The following STMN4 variants were observed in gnomAD, a reference collection of about 807,000 sequenced individuals.
STMN4 encodes the protein stathmin 4.
Under a neutral mutation model 29.1 loss-of-function variants are expected in STMN4, and 12 were observed. The observed-to-expected ratio is 0.41, with a 90% confidence interval of 0.26 to 0.67. The LOEUF is 0.67. STMN4 is among the 30% of genes least tolerant of loss of function. The pLI, the probability that STMN4 is intolerant of heterozygous loss-of-function variation, is 0.30. For synonymous variants in STMN4, 114 were observed against 105.3 expected, an observed-to-expected ratio of 1.08 and a Z score of -0.51; for missense variants, 181 against 262.8, an observed-to-expected ratio of 0.69 and a Z score of 2.15.
intron 1 of STMN4, among the ~76,000 whole-genome samples, 157 bp from the exon 2 acceptor site, chr8:27,243,958 C>A (rs1801552010): frequency 6.6e-6 from 1 of 152,166 alleles, no homozygotes; most frequent in African/African-American, 2.4e-5. Context: ...GGTCCCCTAC[C>A]CCGACCTCCC....
chr8:27,258,055 AAAACATTTTTATGCAGAAATAGCTCACC>A (rs1478652197), intron 1 of STMN4, among the ~76,000 whole-genome samples: 1 of 152,188 alleles, frequency 6.6e-6, no homozygotes, highest in African/African-American at 2.4e-5. Context: ...CTTAAGCAAC[AAAACATTTTTATGCAGAAATAGCTCACC>A]ATAGCATCTG....
chr8:27,254,583 T>C (rs888497524), intron 1 of STMN4, among the ~76,000 whole-genome samples: 4 of 151,858 alleles, frequency 2.6e-5, no homozygotes, highest in Non-Finnish European at 5.9e-5. Flanking sequence ...TGGGGAGGGA[T>C]AGGTATGCCT....
intron 6 of STMN4, chr8:27,239,098 TGGC>T: frequency 8.7e-7 from 1 of 1,146,218 alleles, no homozygotes; most frequent in South Asian, 1.7e-5. Flanking sequence ...TGCCTCGTGC[TGGC>T]CAGCTCCAGG....
At chr8:27,239,707 T>C in intron 6 of STMN4, 2 of 1,446,622 alleles carry the variant, frequency 1.4e-6, no homozygotes, top group Non-Finnish European at 1.8e-6. Flanking sequence ...ATCAGACATA[T>C]ATGCTCCCTA....
At chr8:27,254,776 A>C (rs991934112) in intron 1 of STMN4, among the ~76,000 whole-genome samples, 1 of 122,618 alleles carries the variant, frequency 8.2e-6, no homozygotes, top group Non-Finnish European at 1.6e-5. Context: ...GGGAGCACTC[A>C]CATCTGTGTG....
Position 27,240,964 on chromosome 8 carries a change from G to C in STMN4, c.399+90C>G, listed in dbSNP as rs1801451903. On this transcript the variant is annotated intron_variant, in intron 5 of 6. Transcript: ENST00000350889. ...CCTAAATATTGCAGATTGGTGATGAGCTTATCCCAGCTCAGGTCCACCACC... is the reference window on the plus strand; with the variant it reads ...CCTAAATATTGCAGATTGGTGATGACCTTATCCCAGCTCAGGTCCACCACC... 9 of 1,321,878 alleles carry C rather than the reference G, an allele frequency of 6.8e-6. No homozygotes were observed. In the South Asian group the frequency reaches 1.2e-4, roughly 17 times the overall value. 81.9% of individuals were successfully genotyped at this position (1,321,878 alleles called of 1,614,324 possible).
At chr8:27,253,865 C>T (rs1460899957) in intron 1 of STMN4, among the ~76,000 whole-genome samples, 1 of 151,984 alleles carries the variant, frequency 6.6e-6, no homozygotes, top group Non-Finnish European at 1.5e-5. Context: ...TCACTGCAAC[C>T]TCCGCCTCCC....
chr8:27,250,070 A>G (rs1312718349), intron 1 of STMN4, among the ~76,000 whole-genome samples: 2 of 152,208 alleles, frequency 1.3e-5, no homozygotes, highest in Admixed American at 6.5e-5. Context: ...ATTCTGCCTG[A>G]GGTCCTCTAA....
chr8:27,245,080 G>A (rs2130097644), intron 1 of STMN4, among the ~76,000 whole-genome samples: 1 of 152,310 alleles, frequency 6.6e-6, no homozygotes, highest in South Asian at 2.1e-4. Context: ...CTGGCTTTAG[G>A]GCTAGACCAG....
chr8:27,245,422 G>A (rs181188905), intron 1 of STMN4, among the ~76,000 whole-genome samples: 17 of 152,336 alleles, frequency 1.1e-4, no homozygotes, highest in Non-Finnish European at 2.9e-5. Flanking sequence ...CATTTGAACC[G>A]AGGTCCAGCT....
chr8:27,255,561 A>G (rs1421288788), intron 1 of STMN4, among the ~76,000 whole-genome samples: 2 of 152,240 alleles, frequency 1.3e-5, no homozygotes, highest in Non-Finnish European at 2.9e-5. Context: ...CCGTCTATAC[A>G]GTTGGTTTAA....
chr8:27,254,860 CAT>C (rs143146064), intron 1 of STMN4, among the ~76,000 whole-genome samples: 5,736 of 104,826 alleles, frequency 0.055, 293 homozygotes, highest in Non-Finnish European at 0.077. Context: ...TGGGAGCACT[CAT>C]ATATGTGTGT....
chr8:27,249,993 C>T (rs1051405112), intron 1 of STMN4, among the ~76,000 whole-genome samples: 4 of 152,120 alleles, frequency 2.6e-5, no homozygotes, highest in South Asian at 4.1e-4. Flanking sequence ...GCAAGGGTTT[C>T]GGAAGACAAA....
Position 27,254,072 on chromosome 8 carries a change from C to T in STMN4, c.-79+4279G>A, listed in dbSNP as rs79184298. On this transcript the variant is annotated intron_variant, in intron 1 of 6. Transcript: ENST00000350889. ...TGTTGGGATTACAGGTGTGAGCCATCGTGCCCGGCCCATGGTATGTTTCTT... is the reference window on the plus strand; with the variant it reads ...TGTTGGGATTACAGGTGTGAGCCATTGTGCCCGGCCCATGGTATGTTTCTT... Among the ~76,000 whole-genome samples, 21 of 152,282 alleles carry T rather than the reference C, an allele frequency of 1.4e-4. No homozygotes were observed. The East Asian group carries it at 3.1e-3, about 22-fold the overall frequency.
intron 4 of STMN4, 60 bp downstream of exon 4, chr8:27,241,617 C>T: frequency 6.2e-7 from 1 of 1,602,154 alleles, no homozygotes; most frequent in Non-Finnish European, 8.5e-7. Flanking sequence ...CCCCGCCCAC[C>T]CCCGGCCACA....
intron 1 of STMN4, among the ~76,000 whole-genome samples, chr8:27,255,907 A>C (rs1167258874): frequency 5.9e-5 from 9 of 152,224 alleles, no homozygotes; most frequent in African/African-American, 2.2e-4. Flanking sequence ...CACTATGGAC[A>C]ATATGAGACC....
chr8:27,245,666 T>A (rs1379200108), intron 1 of STMN4, among the ~76,000 whole-genome samples: 1 of 152,132 alleles, frequency 6.6e-6, no homozygotes, highest in Non-Finnish European at 1.5e-5. Flanking sequence ...ACTGGCAGAG[T>A]TAGTAAGCCC....
chr8:27,243,577 C>A, intron 2 of STMN4, 134 bp downstream of exon 2: 1 of 919,532 alleles, frequency 1.1e-6, no homozygotes, highest in Non-Finnish European at 1.8e-6. Flanking sequence ...CCAAGCCTCC[C>A]ATCACTACCT....
intron 6 of STMN4, 111 bp downstream of exon 6, chr8:27,239,858 ATT>A (rs775589330): frequency 5.7e-6 from 9 of 1,572,154 alleles, no homozygotes; most frequent in Non-Finnish European, 6.0e-6. Context: ...AAAGATCCTG[ATT>A]TTTGCCTGAG....
Sources: allele counts gnomAD v4.1 joint callset (sites outside exome capture counted in the v4.1 genomes callset), GRCh38; gene constraint gnomAD v4.1.1; transcripts MANE v1.5; gene names NCBI Gene and HGNC (gene_info 2026-07-23, HGNC 2026-07-21).